The following CSGALNACT1 variants were observed in gnomAD, a reference collection of about 807,000 sequenced individuals.
The protein encoded by CSGALNACT1 is chondroitin sulfate N-acetylgalactosaminyltransferase 1, also known as beta4GalNAcT-1.
A neutral mutation model predicts 51.0 loss-of-function variants in CSGALNACT1; 52 were observed. The ratio of observed to expected loss-of-function variants is 1.02; its 90% CI spans 0.82 to 1.29. The LOEUF is 1.29. Among genes scored for constraint, CSGALNACT1 ranks in the 50% most tolerant of loss-of-function variants. The pLI, the probability that CSGALNACT1 is intolerant of heterozygous loss-of-function variation, is 0.00. For missense variants in CSGALNACT1, 935 were observed against 679.2 expected (o/e 1.38, Z -4.19); for synonymous variants, 341 against 254.4 (o/e 1.34, Z -3.24).
At chr8:19,719,995 C>T (rs369797690) in intron 1 of CSGALNACT1, among the ~76,000 whole-genome samples, 1 of 152,182 alleles carries the variant, frequency 6.6e-6, no homozygotes, top group East Asian at 1.9e-4. Flanking sequence ...CTGGCTCATC[C>T]CTTTTGACCT....
chr8:19,454,902 T>G (rs2063807192), intron 5 of CSGALNACT1, among the ~76,000 whole-genome samples: 1 of 152,236 alleles, frequency 6.6e-6, no homozygotes, highest in African/African-American at 2.4e-5. Flanking sequence ...TTTCTTAAAG[T>G]TCAGCAAATC....
chr8:19,745,358 A>G (rs1241175319), intron 1 of CSGALNACT1, among the ~76,000 whole-genome samples: 1 of 152,200 alleles, frequency 6.6e-6, no homozygotes, highest in East Asian at 1.9e-4. Flanking sequence ...TTGATACATA[A>G]TAATTGTACA....
intron 3 of CSGALNACT1, among the ~76,000 whole-genome samples, chr8:19,515,244 G>GC (rs2079292122): frequency 6.6e-6 from 1 of 152,104 alleles, no homozygotes; most frequent in African/African-American, 2.4e-5. Context: ...CTGCTGTCAG[G>GC]CCATGTGACC....
At chr8:19,751,730 T>TCA (rs545400266) in intron 1 of CSGALNACT1, among the ~76,000 whole-genome samples, 62 of 152,162 alleles carry the variant, frequency 4.1e-4, no homozygotes, top group Non-Finnish European at 4.7e-4. Context: ...GATAGAGTTC[T>TCA]CATGAGATCT....
At chr8:19,616,916 G>C (rs926117718) in intron 1 of CSGALNACT1, among the ~76,000 whole-genome samples, 1 of 152,146 alleles carries the variant, frequency 6.6e-6, no homozygotes, top group Non-Finnish European at 1.5e-5. Context: ...GCAGGGTTGG[G>C]GGAGATGATT....
chr8:19,420,660 A>C, intron 6 of CSGALNACT1, 142 bp from the exon 6 acceptor site: 1 of 844,038 alleles, frequency 1.2e-6, no homozygotes, highest in Non-Finnish European at 2.0e-6. Context: ...AAGAAGTTAC[A>C]GAACGGCCCA....
chr8:19,438,203 G>C (rs1447840339), intron 6 of CSGALNACT1, among the ~76,000 whole-genome samples: 3 of 143,904 alleles, frequency 2.1e-5, no homozygotes, highest in Non-Finnish European at 4.6e-5. Context: ...GGGTCGGGGG[G>C]CAGCCAGCTG....
chr8:19,701,409 C>A (rs1023112423), intron 1 of CSGALNACT1, among the ~76,000 whole-genome samples: 2 of 152,066 alleles, frequency 1.3e-5, no homozygotes, highest in African/African-American at 4.8e-5. Flanking sequence ...CCACCTTGGC[C>A]TCCCCAAGTG....
intron 1 of CSGALNACT1, among the ~76,000 whole-genome samples, chr8:19,676,548 A>G (rs1032586799): frequency 6.6e-6 from 1 of 152,250 alleles, no homozygotes; most frequent in African/African-American, 2.4e-5. Context: ...CTGAACGATT[A>G]TAATAAATTC....
chr8:19,498,217 G>A (rs1189560402), intron 4 of CSGALNACT1, among the ~76,000 whole-genome samples: 1 of 152,178 alleles, frequency 6.6e-6, no homozygotes, highest in Non-Finnish European at 1.5e-5. Flanking sequence ...TTTCAAGCCT[G>A]AGACCTGGCT....
intron 3 of CSGALNACT1, among the ~76,000 whole-genome samples, chr8:19,566,853 G>A (rs1458237245): frequency 6.6e-6 from 1 of 152,200 alleles, no homozygotes; most frequent in Non-Finnish European, 1.5e-5. Context: ...AGCCCTTGAT[G>A]AGTACTTACA....
At chr8:19,574,295 C>A (rs1174078193) in intron 3 of CSGALNACT1, among the ~76,000 whole-genome samples, 1 of 152,220 alleles carries the variant, frequency 6.6e-6, no homozygotes, top group East Asian at 1.9e-4. Flanking sequence ...AACCATCTCT[C>A]CTGCAGGTCC....
At chr8:19,545,700 A>G (rs968801825) in intron 3 of CSGALNACT1, among the ~76,000 whole-genome samples, 3 of 151,822 alleles carry the variant, frequency 2.0e-5, no homozygotes, top group African/African-American at 4.8e-5. Flanking sequence ...CGAAACTATA[A>G]CTTTTCCTCC....
intron 5 of CSGALNACT1, among the ~76,000 whole-genome samples, chr8:19,450,163 GAGA>G (rs1287800229): frequency 2.5e-5 from 2 of 80,584 alleles, no homozygotes; most frequent in Non-Finnish European, 5.0e-5. Context: ...GGAGGAGAGG[GAGA>G]AGGGGGAGAG....
At chr8:19,567,179 G>A (rs1018936078) in intron 3 of CSGALNACT1, among the ~76,000 whole-genome samples, 3 of 152,162 alleles carry the variant, frequency 2.0e-5, no homozygotes, top group Non-Finnish European at 4.4e-5. Flanking sequence ...GTAAAAAATG[G>A]CAAAACAAAA....
intron 7 of CSGALNACT1, among the ~76,000 whole-genome samples, chr8:19,419,980 C>T (rs1273257429): frequency 6.6e-6 from 1 of 152,174 alleles, no homozygotes; most frequent in African/African-American, 2.4e-5. Context: ...GTAAATAAGT[C>T]TCAAGAGATT....
chr8:19,482,284 T>G (rs2071614730), intron 4 of CSGALNACT1, among the ~76,000 whole-genome samples: 1 of 152,248 alleles, frequency 6.6e-6, no homozygotes, highest in Non-Finnish European at 1.5e-5. Context: ...TAATTGTATA[T>G]GATTTTAATT....
chr8:19,621,823 C>T (rs34632038), intron 1 of CSGALNACT1, among the ~76,000 whole-genome samples: 17,745 of 152,164 alleles, frequency 0.12, 1,278 homozygotes, highest in African/African-American at 0.21. Context: ...ATCATTCACT[C>T]ATCAATGGCA....
intron 3 of CSGALNACT1, among the ~76,000 whole-genome samples, chr8:19,528,284 A>C (rs2082095298): frequency 6.6e-6 from 1 of 152,196 alleles, no homozygotes; most frequent in African/African-American, 2.4e-5. Flanking sequence ...AAAAAGAAAA[A>C]AAAAAAGCAA....
Sources: gnomAD v4.1 joint callset for allele counts (sites outside exome capture counted in the v4.1 genomes callset) on GRCh38, gnomAD v4.1.1 for gene constraint, MANE v1.5 for transcripts, NCBI Gene and HGNC (gene_info 2026-07-23, HGNC 2026-07-21) for gene names.